Variants in MSI2 observed in about 807,000 individuals in gnomAD.
The protein encoded by MSI2 is RNA-binding protein Musashi homolog 2.
MSI2 carries 17 observed loss-of-function variants against 45.6 expected under a neutral mutation model. The ratio of observed to expected loss-of-function variants is 0.37; its 90% CI spans 0.26 to 0.56. MSI2 has a LOEUF of 0.56. MSI2 is among the 20% of genes least tolerant of loss of function. The pLI is 0.77. For missense variants in MSI2, 293 were observed against 444.2 expected (o/e 0.66, Z 3.06); for synonymous variants, 156 against 158.2 (o/e 0.99, Z 0.11).
chr17:57,598,407 A>G (rs1905479677), intron 8 of MSI2, among the ~76,000 whole-genome samples: 2 of 152,196 alleles, frequency 1.3e-5, no homozygotes, highest in Admixed American at 1.3e-4. Flanking sequence ...GCCTGATTCA[A>G]TATTTGACTT....
At chr17:57,383,818 A>C (rs1424999717) in intron 5 of MSI2, among the ~76,000 whole-genome samples, 1 of 152,230 alleles carries the variant, frequency 6.6e-6, no homozygotes, top group African/African-American at 2.4e-5. Context: ...CAATGCCATC[A>C]GCAGCGAGGT....
At chr17:57,656,933 A>C (rs1428199245) in intron 11 of MSI2, among the ~76,000 whole-genome samples, 1 of 152,026 alleles carries the variant, frequency 6.6e-6, no homozygotes, top group Non-Finnish European at 1.5e-5. Context: ...AGGTGTCCCT[A>C]CTCTTTACGT....
intron 6 of MSI2, among the ~76,000 whole-genome samples, chr17:57,414,928 A>C (rs2084266389): frequency 6.6e-6 from 1 of 152,192 alleles, no homozygotes; most frequent in Non-Finnish European, 1.5e-5. Context: ...GAGGGTAGAC[A>C]CAGAGAAGGG....
intron 5 of MSI2, among the ~76,000 whole-genome samples, chr17:57,283,740 G>T (rs1036264473): frequency 3.9e-5 from 6 of 152,246 alleles, no homozygotes; most frequent in Admixed American, 2.0e-4. Flanking sequence ...GGGATGAACA[G>T]CCCAGTGAAG....
chr17:57,299,944 G>A (rs1911293259), intron 5 of MSI2, among the ~76,000 whole-genome samples: 1 of 152,196 alleles, frequency 6.6e-6, no homozygotes. Context: ...TTATTTCCTT[G>A]CTGCCTTGGG....
At chr17:57,320,247 G>A (rs1162406257) in intron 5 of MSI2, among the ~76,000 whole-genome samples, 1 of 152,190 alleles carries the variant, frequency 6.6e-6, no homozygotes, top group Non-Finnish European at 1.5e-5. Context: ...TCTCTCTTGA[G>A]AGGACTGGAA....
chr17:57,369,094 G>A (rs751045602), intron 5 of MSI2, among the ~76,000 whole-genome samples: 1 of 152,216 alleles, frequency 6.6e-6, no homozygotes, highest in Admixed American at 6.5e-5. Context: ...GTTCCCAGGT[G>A]TGCTTTGCTC....
rs142038180 is a variant in MSI2, at chr17:57,553,743, T to C, written c.454+24019T>C. 5.1e-3 allele frequency among the ~76,000 whole-genome samples: 775 copies of C among 152,296 alleles called. 2 individuals are homozygous for C. Among genetic ancestry groups the C allele is most frequent in the African/African-American group, 0.015 (642 of 41,566 alleles). On this transcript the variant is annotated intron_variant, in intron 7 of 13. Coordinates refer to ENST00000284073, the MANE Select transcript of MSI2 (RefSeq NM_138962.4). ...TCCTCCTGGCCAAGAGATAACCGGT[T>C]GTTTTTGAAAGTCCTGTGTTTATCG...
chr17:57,479,252 G>A (rs1036715198), intron 6 of MSI2, among the ~76,000 whole-genome samples: 6 of 152,180 alleles, frequency 3.9e-5, no homozygotes, highest in African/African-American at 1.4e-4. Flanking sequence ...TGGGAATGGG[G>A]CTTTGAGTGT....
the MSI2 span, among the ~76,000 whole-genome samples, chr17:57,690,834 A>G: frequency 6.6e-6 from 1 of 152,178 alleles, no homozygotes; most frequent in African/African-American, 2.4e-5. Flanking sequence ...TTTTAGTGTC[A>G]TATCTAAGAA....
chr17:57,418,058 T>C (rs1381881211), intron 6 of MSI2, among the ~76,000 whole-genome samples: 1 of 152,196 alleles, frequency 6.6e-6, no homozygotes, highest in Non-Finnish European at 1.5e-5. Flanking sequence ...ATACCAAATA[T>C]TTTAGACTCT....
At chr17:57,675,215 G>T in intron 12 of MSI2, 89 bp downstream of exon 12, 2 of 1,318,042 alleles carry the variant, frequency 1.5e-6, no homozygotes, top group African/African-American at 1.5e-5. Flanking sequence ...GCCCAACATC[G>T]GGGGCAGAGG....
At chr17:57,300,751 GGCAGACAAGAGAGAAT>G (rs1030985125) in intron 5 of MSI2, among the ~76,000 whole-genome samples, 1 of 152,188 alleles carries the variant, frequency 6.6e-6, no homozygotes, top group Non-Finnish European at 1.5e-5. Flanking sequence ...CTTACATGGT[GGCAGACAAGAGAGAAT>G]GCAAGTCAAG....
chr17:57,257,933 C>T (rs1402348719), intron 3 of MSI2, among the ~76,000 whole-genome samples: 1 of 152,104 alleles, frequency 6.6e-6, no homozygotes, highest in Non-Finnish European at 1.5e-5. Flanking sequence ...TGGTAAATCT[C>T]TTCTAAGTGC....
intron 13 of MSI2, among the ~76,000 whole-genome samples, chr17:57,678,386 C>A (rs1363841942): frequency 6.6e-6 from 1 of 152,166 alleles, no homozygotes; most frequent in Non-Finnish European, 1.5e-5. Flanking sequence ...AAGCTACTTG[C>A]TACTAATTAA....
chr17:57,450,612 A>G (rs1440968305), intron 6 of MSI2, among the ~76,000 whole-genome samples: 1 of 145,270 alleles, frequency 6.9e-6, no homozygotes, highest in Non-Finnish European at 1.5e-5. Context: ...TAGAGGCTAC[A>G]GTGAGCCAAG....
chr17:57,258,383 C>T, intron 4 of MSI2, 29 bp downstream of exon 4: 2 of 1,578,152 alleles, frequency 1.3e-6, no homozygotes, highest in Non-Finnish European at 1.7e-6. Context: ...TTGTTGTTCG[C>T]CCCTTTTCAG....
chr17:57,587,823 A>C (rs1247649197), intron 7 of MSI2, among the ~76,000 whole-genome samples: 1 of 152,188 alleles, frequency 6.6e-6, no homozygotes, highest in African/African-American at 2.4e-5. Context: ...CATTATTAAG[A>C]GATGGAATGG....
chr17:57,399,621 C>T (rs1431584520), intron 5 of MSI2, among the ~76,000 whole-genome samples: 1 of 151,716 alleles, frequency 6.6e-6, no homozygotes, highest in African/African-American at 2.4e-5. Flanking sequence ...TGGGGTCAAC[C>T]AGCAGGCTAT....
Sources: gnomAD v4.1 joint callset for allele counts (sites outside exome capture counted in the v4.1 genomes callset) on GRCh38, gnomAD v4.1.1 for gene constraint, MANE v1.5 for transcripts, NCBI Gene and HGNC (gene_info 2026-07-23, HGNC 2026-07-21) for gene names.